The following MACROD2 variants were observed in gnomAD, a reference collection of about 807,000 sequenced individuals.
The protein encoded by MACROD2 is mono-ADP ribosylhydrolase 2, also known as ADP-ribose glycohydrolase MACROD2.
MACROD2 carries 36 observed loss-of-function variants against 70.4 expected under a neutral mutation model. The observed-to-expected ratio is 0.51, with a 90% CI of 0.39 to 0.68. MACROD2 has a LOEUF of 0.68. Ranked by LOEUF, MACROD2 falls within the 30% of genes least tolerant of loss-of-function variation. The probability of loss-of-function intolerance (pLI) is 0.00; values close to 1 mark genes in which losing one functional copy is unlikely to be tolerated. For missense variants in MACROD2, 496 were observed against 538.4 expected (o/e 0.92, Z 0.78); for synonymous variants, 172 against 178.8 (o/e 0.96, Z 0.30).
At chr20:14,503,697 G>T (rs919671785) in intron 4 of MACROD2, among the ~76,000 whole-genome samples, 3 of 152,200 alleles carry the variant, frequency 2.0e-5, no homozygotes, top group African/African-American at 7.2e-5. Context: ...GCCATGAGGG[G>T]CACAAAGCCC....
intron 8 of MACROD2, among the ~76,000 whole-genome samples, chr20:15,566,578 G>A (rs2048313998): frequency 6.6e-6 from 1 of 151,680 alleles, no homozygotes; most frequent in Non-Finnish European, 1.5e-5. Context: ...TCTGTGTTCA[G>A]GACTTTTTCC....
chr20:14,772,924 G>T (rs768736574), intron 5 of MACROD2, among the ~76,000 whole-genome samples: 1 of 151,902 alleles, frequency 6.6e-6, no homozygotes, highest in Non-Finnish European at 1.5e-5. Context: ...CCAAAGGTAG[G>T]CAATTTCTGG....
intron 13 of MACROD2, among the ~76,000 whole-genome samples, chr20:15,981,522 T>C (rs1455608904): frequency 2.0e-5 from 3 of 152,194 alleles, no homozygotes; most frequent in African/African-American, 7.2e-5. Context: ...TCGGGCTTCT[T>C]ATGGCCATTG....
intron 5 of MACROD2, among the ~76,000 whole-genome samples, chr20:15,132,579 A>G (rs1373900259): frequency 6.6e-6 from 1 of 151,982 alleles, no homozygotes; most frequent in Non-Finnish European, 1.5e-5. Context: ...ACTGGCCAAT[A>G]TATAATAAAA....
intron 8 of MACROD2, among the ~76,000 whole-genome samples, chr20:15,683,503 A>C (rs563496591): frequency 6.6e-6 from 1 of 152,324 alleles, no homozygotes; most frequent in Admixed American, 6.5e-5. Flanking sequence ...ATTGGGAGCA[A>C]AATTATTCCT....
At chr20:14,329,090 A>G (rs1314189501) in intron 3 of MACROD2, 2 of 152,080 alleles carry the variant, frequency 1.3e-5, no homozygotes, top group African/African-American at 4.8e-5. Flanking sequence ...AGGATTATCC[A>G]AGTATAAACT....
intron 3 of MACROD2, among the ~76,000 whole-genome samples, chr20:14,474,812 G>T (rs922564091): frequency 6.6e-6 from 1 of 151,906 alleles, no homozygotes; most frequent in South Asian, 2.1e-4. Context: ...GTTTCCATTT[G>T]CATGGAAAGT....
At chr20:14,448,780 C>CA (rs2084213270) in intron 3 of MACROD2, among the ~76,000 whole-genome samples, 1 of 139,660 alleles carries the variant, frequency 7.2e-6, no homozygotes, top group Admixed American at 7.4e-5. Context: ...TCATGCAGTG[C>CA]GTTGATTGTG....
intron 5 of MACROD2, among the ~76,000 whole-genome samples, chr20:15,123,890 G>A (rs1205312687): frequency 2.6e-5 from 4 of 152,092 alleles, no homozygotes; most frequent in African/African-American, 2.4e-5. Context: ...TCACACATGC[G>A]ATAAAAAGTG....
chr20:15,958,187 T>C (rs2066004599), intron 12 of MACROD2, among the ~76,000 whole-genome samples: 2 of 152,208 alleles, frequency 1.3e-5, no homozygotes, highest in African/African-American at 4.8e-5. Context: ...ATTCCGCCAG[T>C]ACACTCTAAT....
intron 6 of MACROD2, among the ~76,000 whole-genome samples, chr20:15,407,398 A>G (rs1449612797): frequency 6.6e-6 from 1 of 152,222 alleles, no homozygotes; most frequent in Non-Finnish European, 1.5e-5. Flanking sequence ...TCACTAGTGT[A>G]CACTCTCACT....
At chr20:14,243,990 A>C (rs1157654761) in intron 3 of MACROD2, among the ~76,000 whole-genome samples, 2 of 152,238 alleles carry the variant, frequency 1.3e-5, no homozygotes, top group Non-Finnish European at 2.9e-5. Context: ...TGAAGACCAA[A>C]TTAGACAGTA....
intron 8 of MACROD2, among the ~76,000 whole-genome samples, chr20:15,715,640 C>T (rs539436733): frequency 6.6e-6 from 1 of 152,228 alleles, no homozygotes; most frequent in African/African-American, 2.4e-5. Flanking sequence ...GTGCAATAGA[C>T]ATGTTGCATA....
chr20:15,323,493 C>A (rs1487304678), intron 6 of MACROD2, among the ~76,000 whole-genome samples: 1 of 152,076 alleles, frequency 6.6e-6, no homozygotes, highest in Non-Finnish European at 1.5e-5. Flanking sequence ...CCCATAAGGA[C>A]TCTCAAACCA....
chr20:15,887,754 G>A (rs1486542419), intron 10 of MACROD2, among the ~76,000 whole-genome samples: 2 of 152,102 alleles, frequency 1.3e-5, no homozygotes, highest in South Asian at 4.1e-4. Flanking sequence ...AAGGAAGAAC[G>A]TAAGACTAAC....
intron 5 of MACROD2, chr20:14,758,053 A>G (rs2071965699): frequency 3.4e-5 from 21 of 626,438 alleles, no homozygotes; most frequent in South Asian, 3.0e-4. Context: ...GGCCACCTCA[A>G]TAAATTTGGA....
intron 4 of MACROD2, among the ~76,000 whole-genome samples, chr20:14,579,376 C>T (rs2123342444): frequency 6.6e-6 from 1 of 151,958 alleles, no homozygotes; most frequent in East Asian, 1.9e-4. Context: ...CTCCTGACCT[C>T]ATGATCCACC....
chr20:14,151,157 GT>G (rs925104616), intron 3 of MACROD2, among the ~76,000 whole-genome samples: 4 of 152,152 alleles, frequency 2.6e-5, no homozygotes, highest in Non-Finnish European at 5.9e-5. Context: ...CATTTGAGAT[GT>G]TTTTGGTGCT....
At chr20:14,439,759 A>G (rs577142453) in intron 3 of MACROD2, among the ~76,000 whole-genome samples, 3 of 152,356 alleles carry the variant, frequency 2.0e-5, no homozygotes, top group Non-Finnish European at 4.4e-5. Context: ...GAATAATGCT[A>G]GACACATAGA....
Sources: gnomAD v4.1 joint callset for allele counts (sites outside exome capture counted in the v4.1 genomes callset) on GRCh38, gnomAD v4.1.1 for gene constraint, MANE v1.5 for transcripts, NCBI Gene and HGNC (gene_info 2026-07-23, HGNC 2026-07-21) for gene names.